The following GABRG3 variants were observed in gnomAD, a reference collection of about 807,000 sequenced individuals.
The protein encoded by GABRG3 is gamma-aminobutyric acid type A receptor subunit gamma3.
Under a neutral mutation model 48.8 loss-of-function variants are expected in GABRG3, and 25 were observed. The observed-to-expected ratio is 0.51, with a 90% CI of 0.37 to 0.72. The LOEUF is 0.72. GABRG3 is among the 30% of genes least tolerant of loss of function. The pLI is 0.00. For missense variants in GABRG3, 394 were observed against 577.9 expected (o/e 0.68, Z 3.26); for synonymous variants, 227 against 217.6 (o/e 1.04, Z -0.38).
intron 3 of GABRG3, among the ~76,000 whole-genome samples, chr15:27,037,725 C>G (rs12439851): frequency 0.16 from 24,773 of 152,148 alleles, 2,361 homozygotes; most frequent in Middle Eastern, 0.24. Context: ...CCTCCCACCT[C>G]CTTCTGTGCC....
At chr15:27,309,964 C>T (rs1892939551) in intron 3 of GABRG3, among the ~76,000 whole-genome samples, 1 of 152,058 alleles carries the variant, frequency 6.6e-6, no homozygotes, top group Admixed American at 6.6e-5. Context: ...CACATCTGAA[C>T]AGTGGCATAA....
intron 3 of GABRG3, among the ~76,000 whole-genome samples, chr15:27,173,918 C>T (rs1031982443): frequency 1.3e-5 from 2 of 152,044 alleles, no homozygotes; most frequent in Non-Finnish European, 2.9e-5. Flanking sequence ...TAAATACCTA[C>T]AACATCAAAG....
In GABRG3 at chr15:27,423,242, T is replaced by TAA. The variant is rs58007397; in HGVS notation, c.575-57386_575-57385dup. ...CAAAAAAAAAAAAAAGTCATTATGATAAAAAAAAAAAAAAAAAAAAAAACC... is the reference window on the plus strand; with the variant it reads ...CAAAAAAAAAAAAAAGTCATTATGATAAAAAAAAAAAAAAAAAAAAAAAAACC... On this transcript the variant is annotated intron_variant, in intron 5 of 9. Transcript: ENST00000615808. Among the ~76,000 whole-genome samples the TAA allele has an allele frequency of 6.7e-3, 501 of 74,670 alleles. 4 individuals are homozygous for TAA. The highest frequency in any genetic ancestry group is 0.022 in the African/African-American group (460 of 21,208). 49.0% of individuals were successfully genotyped at this position (74,670 alleles called of 152,430 possible). A position where few individuals can be genotyped will look rare whatever the true frequency, so the allele number is the denominator to read the frequency against.
At chr15:27,032,808 A>G (rs1896108612) in intron 3 of GABRG3, among the ~76,000 whole-genome samples, 1 of 151,100 alleles carries the variant, frequency 6.6e-6, no homozygotes, top group African/African-American at 2.4e-5. Context: ...ATTGTGTACA[A>G]AGATTTGTAG....
chr15:27,084,764 GA>G (rs1427195167), intron 3 of GABRG3, among the ~76,000 whole-genome samples: 2 of 152,194 alleles, frequency 1.3e-5, no homozygotes, highest in Non-Finnish European at 2.9e-5. Context: ...TTCAGCAACT[GA>G]CCACTGACCT....
At chr15:27,337,649 C>T (rs1450069400) in intron 5 of GABRG3, among the ~76,000 whole-genome samples, 1 of 152,184 alleles carries the variant, frequency 6.6e-6, no homozygotes, top group Non-Finnish European at 1.5e-5. Context: ...TAGTATCAGT[C>T]ATGTTCTTCA....
At chr15:27,468,054 T>C (rs984313783) in intron 5 of GABRG3, among the ~76,000 whole-genome samples, 5 of 152,190 alleles carry the variant, frequency 3.3e-5, no homozygotes, top group African/African-American at 9.7e-5. Context: ...GGTACAGTTA[T>C]CAAATCAACG....
At chr15:27,020,444 C>T (rs1488617171) in intron 2 of GABRG3, among the ~76,000 whole-genome samples, 1 of 152,228 alleles carries the variant, frequency 6.6e-6, no homozygotes, top group African/African-American at 2.4e-5. Context: ...CGGAGTCTCG[C>T]TCTTTCGCCC....
chr15:27,397,305 G>A (rs1766459034), intron 5 of GABRG3, among the ~76,000 whole-genome samples: 1 of 151,326 alleles, frequency 6.6e-6, no homozygotes, highest in African/African-American at 2.5e-5. Context: ...CTACAATCCT[G>A]ATACATAGGG....
intron 3 of GABRG3, chr15:27,160,992 C>G (rs1176608591): frequency 6.6e-6 from 1 of 151,764 alleles, no homozygotes; most frequent in African/African-American, 2.4e-5. Flanking sequence ...ATGCTGGGAG[C>G]CTGTCAAGGA....
chr15:27,527,437 C>T lies in GABRG3; in HGVS notation c.870C>T (p.Ile290=). 1 of 1,613,182 alleles carries T rather than the reference C, an allele frequency of 6.2e-7. No homozygotes were observed. Among genetic ancestry groups the T allele is most frequent in the Non-Finnish European group, 8.5e-7 (1 of 1,179,582 alleles). ...DATPARTALG[I]TTVLTMTTLS... is the part of the protein sequence containing the mutation. ...TGCTACCCGTCCCCTGTTCAGGCAT[C>T]ACCACGGTGCTGACCATGACCACCC... is the stretch of plus-strand genomic sequence containing the variant. The change falls in exon 8 of 10, where the codon ATC becomes ATT. Residue 290 remains isoleucine, a synonymous_variant. Transcript: ENST00000615808.
chr15:27,376,172 C>G (rs1227438083), intron 5 of GABRG3, among the ~76,000 whole-genome samples: 3 of 152,228 alleles, frequency 2.0e-5, no homozygotes, highest in Non-Finnish European at 4.4e-5. Flanking sequence ...CCTTTGACTC[C>G]ATGTCTCACA....
At chr15:27,168,332 C>T (rs925185789) in intron 3 of GABRG3, among the ~76,000 whole-genome samples, 5 of 151,638 alleles carry the variant, frequency 3.3e-5, no homozygotes, top group Admixed American at 1.3e-4. Context: ...CCTAAGTTCC[C>T]TCCACCACTC....
intron 3 of GABRG3, among the ~76,000 whole-genome samples, chr15:27,326,487 T>G (rs1893618522): frequency 6.6e-6 from 1 of 152,212 alleles, no homozygotes; most frequent in Non-Finnish European, 1.5e-5. Context: ...CTGCTACCTG[T>G]CAAGGCTTGG....
At chr15:27,221,741 C>T (rs1163951060) in intron 3 of GABRG3, among the ~76,000 whole-genome samples, 1 of 152,186 alleles carries the variant, frequency 6.6e-6, no homozygotes, top group Admixed American at 6.5e-5. Context: ...TCTGGATCAA[C>T]GTAGCCTGTT....
intron 3 of GABRG3, among the ~76,000 whole-genome samples, chr15:27,195,327 TTCTTTCTC>T (rs1416661357): frequency 3.9e-5 from 6 of 152,194 alleles, no homozygotes; most frequent in African/African-American, 1.2e-4. Flanking sequence ...CTCTCTTTCT[TTCTTTCTC>T]TCTTTCTCTC....
At chr15:27,399,806 A>T (rs1887424063) in intron 5 of GABRG3, among the ~76,000 whole-genome samples, 1 of 152,186 alleles carries the variant, frequency 6.6e-6, no homozygotes, top group Non-Finnish European at 1.5e-5. Flanking sequence ...ATGACAGTAG[A>T]CCCAGATCTT....
chr15:27,132,273 C>A (rs1897928390), intron 3 of GABRG3, among the ~76,000 whole-genome samples: 1 of 151,960 alleles, frequency 6.6e-6, no homozygotes, highest in South Asian at 2.1e-4. Flanking sequence ...TCAGGTCTTA[C>A]ATTTAAATGT....
chr15:27,253,748 C>T (rs1566981230), intron 3 of GABRG3, among the ~76,000 whole-genome samples: 1 of 152,226 alleles, frequency 6.6e-6, no homozygotes, highest in East Asian at 1.9e-4. Flanking sequence ...AAGTCGGGGG[C>T]TCAGGCCTTC....
Sources: gnomAD v4.1 joint callset for allele counts (sites outside exome capture counted in the v4.1 genomes callset) on GRCh38, gnomAD v4.1.1 for gene constraint, MANE v1.5 for transcripts, NCBI Gene and HGNC (gene_info 2026-07-23, HGNC 2026-07-21) for gene names.